Variants in FOXP1 observed in about 807,000 individuals in gnomAD.
FOXP1 encodes forkhead box protein P1.
FOXP1 carries 15 observed loss-of-function variants against 98.2 expected under a neutral mutation model. That is an observed-to-expected ratio of 0.15 (90% CI 0.10 to 0.24). The LOEUF (loss-of-function observed/expected upper bound fraction) is 0.24, where lower values mean the gene tolerates loss of function less well. Among genes scored for constraint, FOXP1 ranks in the 10% least tolerant of loss-of-function variants. The pLI, the probability that FOXP1 is intolerant of heterozygous loss-of-function variation, is 1.00. For missense variants in FOXP1, 633 were observed against 848.5 expected, an observed-to-expected ratio of 0.75 and a Z score of 3.15; for synonymous variants, 371 against 314.5, an observed-to-expected ratio of 1.18 and a Z score of -1.90.
intron 19 of FOXP1, chr3:70,966,404 GA>G: frequency 3.0e-6 from 1 of 336,074 alleles, no homozygotes; most frequent in Non-Finnish European, 5.8e-6. Context: ...AGATCACAGT[GA>G]AATATAATAG....
chr3:70,964,032 G>A (rs2106961104), intron 20 of FOXP1, among the ~76,000 whole-genome samples: 1 of 152,240 alleles, frequency 6.6e-6, no homozygotes, highest in East Asian at 1.9e-4. Flanking sequence ...GGACAAGAAT[G>A]GAAACTCTTG....
intron 3 of FOXP1, among the ~76,000 whole-genome samples, chr3:71,362,228 A>G (rs1335172447): frequency 2.0e-5 from 3 of 152,246 alleles, no homozygotes; most frequent in Non-Finnish European, 2.9e-5. Flanking sequence ...CTGGAGTGCA[A>G]TGGTATGATC....
At chr3:71,539,109 G>GTT (rs1560626900) in intron 2 of FOXP1, among the ~76,000 whole-genome samples, 1 of 146,720 alleles carries the variant, frequency 6.8e-6, no homozygotes, top group Non-Finnish European at 1.5e-5. Context: ...TTATTTTTTT[G>GTT]TTTTTATTTT....
intron 3 of FOXP1, among the ~76,000 whole-genome samples, chr3:71,403,992 T>C (rs1282569679): frequency 6.6e-6 from 1 of 152,052 alleles, no homozygotes; most frequent in African/African-American, 2.4e-5. Flanking sequence ...AATATTAACA[T>C]GAATGATAAC....
At chr3:71,460,795 G>C (rs1369666445) in intron 3 of FOXP1, among the ~76,000 whole-genome samples, 1 of 152,146 alleles carries the variant, frequency 6.6e-6, no homozygotes, top group Non-Finnish European at 1.5e-5. Context: ...ATTATACACT[G>C]GTAGCTGAGA....
chr3:71,574,552 A>G (rs1053121184), intron 2 of FOXP1: 1 of 152,148 alleles, frequency 6.6e-6, no homozygotes, highest in African/African-American at 2.4e-5. Context: ...TATTTCCATC[A>G]ATATTCGTGC....
In FOXP1 at chr3:71,512,194, G is replaced by A. The variant is rs566079972; in HGVS notation, c.-297-18639C>T. Among the ~76,000 whole-genome samples, 134 of 152,272 alleles carry A rather than the reference G, an allele frequency of 8.8e-4. 1 individual carries two copies. The highest frequency in any genetic ancestry group is 1.4e-3 in the Non-Finnish European group (98 of 68,026). On this transcript the variant is annotated intron_variant, in intron 2 of 20. Coordinates refer to ENST00000649528, the MANE Select transcript of FOXP1 (RefSeq NM_001349338.3). ...CCAGGGGTTGAACCTAGTTCACATT[G>A]TGCTATATTGCCTCCCAGTGGTGCC...
chr3:70,977,125 C>G lies in FOXP1; in HGVS notation c.1429-83G>C, dbSNP rs1159641431. 3.2e-6 allele frequency: 3 copies of G among 926,206 alleles called. No individual in the cohort carries two copies. In the African/African-American group the frequency reaches 4.9e-5, roughly 15 times the overall value. The allele number at this position is 926,206 out of a possible 1,614,324, so 57.4% of individuals were successfully genotyped here. On this transcript the variant is annotated intron_variant, in intron 16 of 20. Transcript: ENST00000649528. ...CCACAGTTTCTCGAAAATATAAAAT[C>G]ACTGTGATTCAGAGCTAAATCCTGA...
chr3:71,567,012 A>T (rs1035402060), intron 2 of FOXP1, among the ~76,000 whole-genome samples: 2 of 152,024 alleles, frequency 1.3e-5, no homozygotes, highest in African/African-American at 4.8e-5. Context: ...GCTGCATACC[A>T]TTGTGTCAGG....
intron 2 of FOXP1, among the ~76,000 whole-genome samples, chr3:71,554,198 A>G (rs1485395094): frequency 6.6e-6 from 1 of 152,136 alleles, no homozygotes; most frequent in Non-Finnish European, 1.5e-5. Context: ...AAGTTTTAAA[A>G]AAGAAATTAG....
At position 71,376,238 on chromosome 3, in the gene FOXP1, T is replaced by C. The variant is rs9831635; in HGVS notation, c.-167-16994A>G. On this transcript the variant is annotated intron_variant, in intron 3 of 20. Transcript: ENST00000649528. ...CCACTGGAGTAAGATTAATCCCATC[T>C]TATAGACAAGCAAAGTAAGGCCCAG... is the stretch of plus-strand genomic sequence containing the variant. 6.7e-3 allele frequency among the ~76,000 whole-genome samples: 1,020 copies of C among 152,238 alleles called. 14 individuals are homozygous for C. The highest frequency in any genetic ancestry group is 0.019 in the African/African-American group (805 of 41,552).
chr3:70,979,475 G>A (rs1575822328), intron 14 of FOXP1, among the ~76,000 whole-genome samples: 1 of 152,112 alleles, frequency 6.6e-6, no homozygotes, highest in Non-Finnish European at 1.5e-5. Flanking sequence ...GAATTTGGTT[G>A]TTTTCAGCGT....
At chr3:71,461,851 G>T (rs188885083) in intron 3 of FOXP1, among the ~76,000 whole-genome samples, 5,019 of 151,890 alleles carry the variant, frequency 0.033, 252 homozygotes, top group African/African-American at 0.11. Flanking sequence ...AGGGACCACA[G>T]GTCTCTGGTA....
chr3:71,329,954 C>A (rs2076198644), intron 4 of FOXP1: 1 of 152,104 alleles, frequency 6.6e-6, no homozygotes, highest in South Asian at 2.1e-4. Context: ...TGCCTGTAAT[C>A]CCAGCTACTC....
At chr3:71,414,309 C>T (rs1435135813) in intron 3 of FOXP1, among the ~76,000 whole-genome samples, 2 of 152,200 alleles carry the variant, frequency 1.3e-5, no homozygotes, top group African/African-American at 2.4e-5. Flanking sequence ...ACAAGGCCAC[C>T]GTCCTGTGCC....
chr3:71,402,627 C>T (rs1189354758), intron 3 of FOXP1, among the ~76,000 whole-genome samples: 2 of 152,084 alleles, frequency 1.3e-5, no homozygotes, highest in Admixed American at 6.5e-5. Context: ...AGTTAGGATA[C>T]AATATAGTTT....
At chr3:71,069,795 T>C (rs1007816599) in intron 7 of FOXP1, among the ~76,000 whole-genome samples, 2 of 152,144 alleles carry the variant, frequency 1.3e-5, no homozygotes, top group Non-Finnish European at 2.9e-5. Flanking sequence ...TGAAATTACA[T>C]TTTAATTTTT....
At chr3:70,977,089 G>A (rs769833262) in intron 16 of FOXP1, 47 bp from the exon 17 acceptor site, 2 of 1,232,206 alleles carry the variant, frequency 1.6e-6, no homozygotes, top group East Asian at 2.3e-5. Context: ...CAAATCAGCA[G>A]AGTCGTCATT....
intron 14 of FOXP1, among the ~76,000 whole-genome samples, chr3:70,985,689 T>C (rs1025110967): frequency 2.7e-5 from 4 of 147,056 alleles, no homozygotes; most frequent in Non-Finnish European, 6.0e-5. Context: ...AAATGTGATC[T>C]TTTTTTTTTT....
Sources: allele counts gnomAD v4.1 joint callset (sites outside exome capture counted in the v4.1 genomes callset), GRCh38; gene constraint gnomAD v4.1.1; transcripts MANE v1.5; gene names NCBI Gene and HGNC (gene_info 2026-07-23, HGNC 2026-07-21).